TRIM11: variants seen among roughly 807,000 people sequenced by gnomAD.
TRIM11 encodes tripartite motif containing 11, also known as E3 ubiquitin-protein ligase TRIM11.
Under a neutral mutation model 33.4 loss-of-function variants are expected in TRIM11, and 15 were observed. The ratio of observed to expected loss-of-function variants is 0.45; its 90% CI spans 0.30 to 0.69. TRIM11 has a LOEUF of 0.69. Ranked by LOEUF, TRIM11 falls within the 30% of genes least tolerant of loss-of-function variation. TRIM11 has a pLI of 0.08. For missense variants in TRIM11, 499 were observed against 667.6 expected (o/e 0.75, Z 2.78); for synonymous variants, 281 against 302.6 (o/e 0.93, Z 0.74).
rs547063543 is a variant in TRIM11, at chr1:228,400,952, C to T, written c.735+12G>A. 19 of 1,547,172 alleles carry T rather than the reference C, an allele frequency of 1.2e-5. No homozygotes were observed. Among genetic ancestry groups the T allele is most frequent in the African/African-American group, 1.4e-5 (1 of 73,692 alleles). ...CCGTGTGGCCACCATGGCTGCTCCC[C>T]GCCCAGCTCACCTGCAGCAGCCCCA... On this transcript the variant is annotated intron_variant, in intron 3 of 5. Transcript: ENST00000284551. This position sits in a 1 kb window ranked among gnomAD's most constrained non-coding sequence, Gnocchi z 4.5.
intron 1 of TRIM11, chr1:228,404,128 T>G (rs1656319397): frequency 6.6e-6 from 1 of 152,286 alleles, no homozygotes. Flanking sequence ...TAGTCAGAAC[T>G]GGGATGCTGG....
In TRIM11 at chr1:228,395,265, G is replaced by A; in HGVS notation, c.860-13C>T. 6.9e-7 allele frequency: 1 copy of A among 1,439,228 alleles called. No homozygotes were observed. The highest frequency in any genetic ancestry group is 9.1e-7 in the Non-Finnish European group (1 of 1,100,452). The allele number at this position is 1,439,228 out of a possible 1,614,324, so 89.2% of individuals were successfully genotyped here. A position where few individuals can be genotyped will look rare whatever the true frequency, so the allele number is the denominator to read the frequency against. On this transcript the variant is annotated splice_polypyrimidine_tract_variant and intron_variant, in intron 5 of 5. Coordinates refer to ENST00000284551, the MANE Select transcript of TRIM11 (RefSeq NM_145214.3). The surrounding 1 kb of genome is among the most constrained non-coding windows in gnomAD (Gnocchi z 4.8). ...AAGGTCACGTCCCCTGCAGAGAGAGGCCCAAGGTCACCCAGGCACAGCCAC... is the reference window on the plus strand; with the variant it reads ...AAGGTCACGTCCCCTGCAGAGAGAGACCCAAGGTCACCCAGGCACAGCCAC...
At chr1:228,399,150 G>A (rs1383760502) in intron 3 of TRIM11, among the ~76,000 whole-genome samples, 1 of 152,038 alleles carries the variant, frequency 6.6e-6, no homozygotes, top group Non-Finnish European at 1.5e-5. Flanking sequence ...CTGGGTGCTG[G>A]GAACCCGGGT....
At chr1:228,405,926 A>C in intron 1 of TRIM11, 2 of 401,128 alleles carry the variant, frequency 5.0e-6, no homozygotes, top group Non-Finnish European at 8.5e-6. Context: ...ATTGGCGGCC[A>C]TGGTCCCAGC....
At position 228,401,038 on chromosome 1, in the gene TRIM11, G is replaced by C; in HGVS notation, c.661C>G (p.Gln221Glu). The change falls in exon 3 of 6, where the codon CAG (glutamine) becomes GAG (glutamate). Residue 221 changes from glutamine (Q) to glutamate (E), a missense_variant. Coordinates refer to ENST00000284551, the MANE Select transcript of TRIM11 (RefSeq NM_145214.3). This position sits in a 1 kb window ranked among gnomAD's most constrained non-coding sequence, Gnocchi z 6.1. ...LREGAAHLGQQSAHLAELIAE... is the reference protein window; with the variant it reads ...LREGAAHLGQESAHLAELIAE... ...ATGAGCTCAGCTAGGTGGGCGCTCT[G>C]CTGGCCTAGGTGGGCTGCGCCCTCC... 1 of 1,611,634 alleles carries C rather than the reference G, an allele frequency of 6.2e-7. No homozygotes were observed. Among genetic ancestry groups the C allele is most frequent in the Non-Finnish European group, 8.5e-7 (1 of 1,179,118 alleles).
At position 228,394,943 on chromosome 1, in the gene TRIM11, G is replaced by A. The variant is rs372984275; in HGVS notation, c.1169C>T (p.Ser390Leu). 42 of 1,614,022 alleles carry A rather than the reference G, an allele frequency of 2.6e-5. No individual in the cohort carries two copies. The African/African-American group carries it at 2.8e-4, about 11-fold the overall frequency. Residue 390 changes from serine (S) to leucine (L), a missense_variant, in exon 6 of 6, where the codon TCG becomes TTG. Coordinates refer to ENST00000284551, the MANE Select transcript of TRIM11 (RefSeq NM_145214.3). This position sits in a 1 kb window ranked among gnomAD's most constrained non-coding sequence, Gnocchi z 6.2. The stretch of plus-strand genomic sequence containing the variant: ...CCGGAGTGGAGCCAAGGCCCGTTCC[G>A]AGGAATTGTAATAGCTCCCCAGGAA... Reference protein sequence around the residue: ...LVFLGSYYNSSERALAPLRDP... With the variant: ...LVFLGSYYNSLERALAPLRDP...
In TRIM11 at chr1:228,400,867, T is replaced by C. The variant is rs1023094734; in HGVS notation, c.735+97A>G. 2.8e-6 allele frequency: 4 copies of C among 1,427,308 alleles called. No homozygotes were observed. Among genetic ancestry groups the C allele is most frequent in the East Asian group, 2.6e-5 (1 of 39,022 alleles). 88.4% of individuals were successfully genotyped at this position (1,427,308 alleles called of 1,614,324 possible). On this transcript the variant is annotated intron_variant, in intron 3 of 5. Transcript: ENST00000284551. This position sits in a 1 kb window ranked among gnomAD's most constrained non-coding sequence, Gnocchi z 4.5. ...CATTCACCTCTCAGCCCAGACAACCTCTCTGCCCCTGCTTCTTGCACTTTC... is the reference window on the plus strand; with the variant it reads ...CATTCACCTCTCAGCCCAGACAACCCCTCTGCCCCTGCTTCTTGCACTTTC...
chr1:228,399,990 C>T (rs1241616438), intron 3 of TRIM11, among the ~76,000 whole-genome samples: 1 of 152,176 alleles, frequency 6.6e-6, no homozygotes, highest in African/African-American at 2.4e-5. Context: ...TTCTGCTGGG[C>T]TCCAGAGGCC....
Position 228,406,562 on chromosome 1 carries a change from G to A in TRIM11, c.-1C>T. On this transcript the variant is annotated 5_prime_UTR_variant, in exon 1 of 6. Transcript: ENST00000284551. The surrounding 1 kb of genome is among the most constrained non-coding windows in gnomAD (Gnocchi z 8.2). ...TGGTGGACAGGTCGGGGGCGGCCAT[G>A]GCGCGGACAGAGGGGAGGAAGGCGG... is the stretch of plus-strand genomic sequence containing the variant. 1 of 1,517,752 alleles carries A rather than the reference G, an allele frequency of 6.6e-7. No homozygotes were observed. 94.0% of individuals were successfully genotyped at this position (1,517,752 alleles called of 1,614,324 possible). A position where few individuals can be genotyped will look rare whatever the true frequency, so the allele number is the denominator to read the frequency against.
intron 3 of TRIM11, 169 bp from the exon 4 acceptor site, chr1:228,397,334 C>T: frequency 1.4e-6 from 1 of 723,080 alleles, no homozygotes; most frequent in Non-Finnish European, 2.3e-6. Context: ...GGCTCAGACA[C>T]AGGAATGCTG....
chr1:228,405,826 G>A, intron 1 of TRIM11: 1 of 290,130 alleles, frequency 3.4e-6, no homozygotes. Flanking sequence ...CATTTTCCTT[G>A]CCCCCACTCC....
chr1:228,395,326 T>C lies in TRIM11; in HGVS notation c.860-74A>G, dbSNP rs868769278. 7.3e-7 allele frequency: 1 copy of C among 1,370,266 alleles called. No individual in the cohort carries two copies. The highest frequency in any genetic ancestry group is 1.5e-5 in the African/African-American group (1 of 68,662). 84.9% of individuals were successfully genotyped at this position (1,370,266 alleles called of 1,614,324 possible). ...GGGCCATCTGCCCATGTCCTGGGCATGTAGGTACAATCCTCCCAGTCGGAC... is the reference window on the plus strand; with the variant it reads ...GGGCCATCTGCCCATGTCCTGGGCACGTAGGTACAATCCTCCCAGTCGGAC... On this transcript the variant is annotated intron_variant, in intron 5 of 5. Coordinates refer to ENST00000284551, the MANE Select transcript of TRIM11 (RefSeq NM_145214.3). This position sits in a 1 kb window ranked among gnomAD's most constrained non-coding sequence, Gnocchi z 4.8.
At position 228,394,453 on chromosome 1, in the gene TRIM11, G is replaced by T; in HGVS notation, c.*252C>A. 3.8e-6 allele frequency: 2 copies of T among 523,808 alleles called. No individual in the cohort carries two copies. The highest frequency in any genetic ancestry group is 6.7e-6 in the Non-Finnish European group (2 of 299,788). 32.4% of individuals were successfully genotyped at this position (523,808 alleles called of 1,614,324 possible). A position where few individuals can be genotyped will look rare whatever the true frequency, so the allele number is the denominator to read the frequency against. On this transcript the variant is annotated 3_prime_UTR_variant, in exon 6 of 6. Transcript: ENST00000284551. The surrounding 1 kb of genome is among the most constrained non-coding windows in gnomAD (Gnocchi z 6.2). ...GCAATGGGGCTCCCAGCTTTGGTAA[G>T]GGCTGTTGGCATTAAGTGGCACCCG...
intron 3 of TRIM11, among the ~76,000 whole-genome samples, chr1:228,399,210 T>C (rs772428176): frequency 3.3e-5 from 5 of 152,128 alleles, no homozygotes; most frequent in Non-Finnish European, 2.9e-5. Context: ...CATCCCCACC[T>C]GTCCCTCTCA....
chr1:228,401,917 G>T lies in TRIM11; in HGVS notation c.504+149C>A, dbSNP rs1656240006. On this transcript the variant is annotated intron_variant, in intron 2 of 5. Coordinates refer to ENST00000284551, the MANE Select transcript of TRIM11 (RefSeq NM_145214.3). The surrounding 1 kb of genome is among the most constrained non-coding windows in gnomAD (Gnocchi z 6.1). ...CACGTGGGAAAGGACCAGCCCTTCAGTGGGCTCGGTGGGGCCAGGCTGAAG... is the reference window on the plus strand; with the variant it reads ...CACGTGGGAAAGGACCAGCCCTTCATTGGGCTCGGTGGGGCCAGGCTGAAG... 1 of 527,142 alleles carries T rather than the reference G, an allele frequency of 1.9e-6. No homozygotes were observed. Among genetic ancestry groups the T allele is most frequent in the Non-Finnish European group, 3.2e-6 (1 of 312,986 alleles). 32.7% of individuals were successfully genotyped at this position (527,142 alleles called of 1,614,324 possible).
Position 228,402,840 on chromosome 1 carries a change from T to C in TRIM11, c.409-679A>G, listed in dbSNP as rs140786351. On this transcript the variant is annotated intron_variant, in intron 1 of 5. Transcript: ENST00000284551. ...ACCAGACACCAAACCTGCCAGGGCT[T>C]GATCTTAGACTTCCAGCCTCCAGAG... 721 of 152,558 alleles carry C rather than the reference T, an allele frequency of 4.7e-3. 5 individuals carry two copies. The highest frequency in any genetic ancestry group is 0.017 in the African/African-American group (688 of 41,562). The allele number at this position is 152,558 out of a possible 1,614,324, so 9.5% of individuals were successfully genotyped here. A position where few individuals can be genotyped will look rare whatever the true frequency, so the allele number is the denominator to read the frequency against.
Position 228,400,824 on chromosome 1 carries a change from A to G in TRIM11, c.735+140T>C, listed in dbSNP as rs925037575. Reference sequence around the variant, plus strand: ...ACTCAGCATTTCACAGGCAACAGCCAGGCACATCCAGCCATGCCATTCACC... The same window carrying G: ...ACTCAGCATTTCACAGGCAACAGCCGGGCACATCCAGCCATGCCATTCACC... On this transcript the variant is annotated intron_variant, in intron 3 of 5. Transcript: ENST00000284551. The surrounding 1 kb of genome is among the most constrained non-coding windows in gnomAD (Gnocchi z 4.5). The G allele has an allele frequency of 7.1e-7, 1 of 1,399,370 alleles. No homozygotes were observed. The highest frequency in any genetic ancestry group is 1.5e-5 in the South Asian group (1 of 65,106). The allele number at this position is 1,399,370 out of a possible 1,614,324, so 86.7% of individuals were successfully genotyped here. A position where few individuals can be genotyped will look rare whatever the true frequency, so the allele number is the denominator to read the frequency against.
Position 228,393,916 on chromosome 1 carries a change from G to C in TRIM11, c.*789C>G, listed in dbSNP as rs2074954928. ...TCCCCAAGCAGCAGCTGGGACCCTG[G>C]GTCCTGAGGGGCCACTGGAGACCTA... is the stretch of plus-strand genomic sequence containing the variant. On this transcript the variant is annotated 3_prime_UTR_variant, in exon 6 of 6. Coordinates refer to ENST00000284551, the MANE Select transcript of TRIM11 (RefSeq NM_145214.3). 1 of 152,226 alleles carries C rather than the reference G, an allele frequency of 6.6e-6. No individual in the cohort carries two copies. The highest frequency in any genetic ancestry group is 6.5e-5 in the Admixed American group (1 of 15,282). The allele number at this position is 152,226 out of a possible 1,614,324, so 9.4% of individuals were successfully genotyped here. A position where few individuals can be genotyped will look rare whatever the true frequency, so the allele number is the denominator to read the frequency against.
Position 228,395,517 on chromosome 1 carries a change from CTTT to C in TRIM11, c.860-268_860-266del, listed in dbSNP as rs546494395. The stretch of plus-strand genomic sequence containing the variant: ...AGATATCAAGAGGGAATCTTGGTTG[CTTT>C]TTTTTTTTTTTTTAAAGAGGCAGGG... On this transcript the variant is annotated intron_variant, in intron 5 of 5. Transcript: ENST00000284551. This position sits in a 1 kb window ranked among gnomAD's most constrained non-coding sequence, Gnocchi z 4.8. 3.3e-3 allele frequency: 783 copies of C among 238,826 alleles called. No individual in the cohort carries two copies. Among genetic ancestry groups the C allele is most frequent in the East Asian group, 5.2e-3 (71 of 13,656 alleles). The allele number at this position is 238,826 out of a possible 1,614,324, so 14.8% of individuals were successfully genotyped here.
Sources: gnomAD v4.1 joint callset for allele counts (sites outside exome capture counted in the v4.1 genomes callset) on GRCh38, gnomAD v4.1.1 for gene constraint, Gnocchi (gnomAD v3.1) non-coding constraint, MANE v1.5 for transcripts, NCBI Gene and HGNC (gene_info 2026-07-23, HGNC 2026-07-21) for gene names.